Variants in TIMM8B observed in about 807,000 individuals in gnomAD.
TIMM8B encodes translocase of inner mitochondrial membrane 8 homolog B.
In TIMM8B, 5 loss-of-function variants were observed where a neutral mutation model predicts 8.5. The ratio of observed to expected loss-of-function variants is 0.59; its 90% CI spans 0.31 to 1.24. TIMM8B has a LOEUF of 1.24. Among genes scored for constraint, TIMM8B ranks in the 50% most tolerant of loss-of-function variants. The pLI is 0.07. For synonymous variants in TIMM8B, 44 were observed against 39.9 expected (o/e 1.10, Z -0.39); for missense variants, 104 against 109.2 (o/e 0.95, Z 0.21).
chr11:112,086,452 A>G, intron 1 of TIMM8B, 188 bp downstream of exon 1: 1 of 905,282 alleles, frequency 1.1e-6, no homozygotes, highest in Non-Finnish European at 1.7e-6. Flanking sequence ...CGCTACGCTT[A>G]TATACCTGGC....
chr11:112,086,050 T>G lies in TIMM8B; in HGVS notation c.85-588A>C. On this transcript the variant is annotated intron_variant, in intron 1 of 1. Transcript: ENST00000504148. Reference sequence around the variant, plus strand: ...AAGGATAGCTGTCATCACCTCCCATTTAAGAGGCGTGATTATGTAGTCCAA... The same window carrying G: ...AAGGATAGCTGTCATCACCTCCCATGTAAGAGGCGTGATTATGTAGTCCAA... 3.4e-6 allele frequency: 4 copies of G among 1,174,466 alleles called. No homozygotes were observed. The South Asian group carries it at 4.9e-5, about 14-fold the overall frequency. The allele number at this position is 1,174,466 out of a possible 1,614,324, so 72.8% of individuals were successfully genotyped here.
In TIMM8B at chr11:112,085,318, T is replaced by C. The variant is rs1865566411; in HGVS notation, c.229A>G (p.Ile77Val). The C allele has an allele frequency of 6.2e-7, 1 of 1,612,490 alleles. No homozygotes were observed. The highest frequency in any genetic ancestry group is 1.3e-5 in the African/African-American group (1 of 74,966). ...GCCTACTGCCCTCCTTTCTGTACAA[T>C]CTGGGCAAACCGACTGGTGATGGCA... The part of the protein sequence containing the change: ...TLAITSRFAQ[I>V]VQKGGQ Residue 77 changes from isoleucine to valine, a missense_variant, in exon 2 of 2, where the codon ATT becomes GTT. Ile to Val is a conservative substitution (Grantham distance 29). Transcript: ENST00000504148.
At chr11:112,086,582 C>G (rs1272305817) in intron 1 of TIMM8B, 58 bp downstream of exon 1, 68 of 1,503,926 alleles carry the variant, frequency 4.5e-5, no homozygotes, top group Non-Finnish European at 5.6e-5. Context: ...TCCGAGCGTG[C>G]CCAGGACCAC....
chr11:112,086,313 G>A (rs1305155208), intron 1 of TIMM8B: 1 of 536,986 alleles, frequency 1.9e-6, no homozygotes, highest in Non-Finnish European at 3.5e-6. Context: ...CACGTGGCCT[G>A]CAAGGAGCAG....
In TIMM8B at chr11:112,086,624, C is replaced by T; in HGVS notation, c.84+16G>A. ...AGGTGAAACTTCCTTTCCCTTCACC[C>T]TCCCCGTCCCCGCACCTGTGCAGTA... is the stretch of plus-strand genomic sequence containing the variant. On this transcript the variant is annotated intron_variant, in intron 1 of 1. Coordinates refer to ENST00000504148, the MANE Select transcript of TIMM8B (RefSeq NM_012459.4). 33 of 1,579,190 alleles carry T rather than the reference C, an allele frequency of 2.1e-5. No individual in the cohort carries two copies. Among genetic ancestry groups the T allele is most frequent in the Non-Finnish European group, 2.8e-5 (33 of 1,167,990 alleles).
intron 1 of TIMM8B, 78 bp downstream of exon 1, chr11:112,086,562 T>A: frequency 5.4e-6 from 8 of 1,481,022 alleles, no homozygotes; most frequent in Non-Finnish European, 7.2e-6. Flanking sequence ...GAGCCGCCAG[T>A]GTACAGACCT....
At position 112,085,489 on chromosome 11, in the gene TIMM8B, T is replaced by C. The variant is rs117004505; in HGVS notation, c.85-27A>G. The C allele has an allele frequency of 1.4e-3, 2,287 of 1,597,524 alleles. 48 individuals carry two copies. The East Asian group carries it at 0.044, about 31-fold the overall frequency. On this transcript the variant is annotated intron_variant, in intron 1 of 1. Transcript: ENST00000504148. ...TAAAAGGAAAGAAAAATAGTAACCA[T>C]TGGGGTCTGCAGATAGGCCTAACTC...
chr11:112,086,445 T>C, intron 1 of TIMM8B, 195 bp downstream of exon 1: 1 of 877,936 alleles, frequency 1.1e-6, no homozygotes, highest in Non-Finnish European at 1.8e-6. Context: ...TTCTCCACGC[T>C]ACGCTTATAT....
In TIMM8B at chr11:112,085,442, T is replaced by C. The variant is rs756277473; in HGVS notation, c.105A>G (p.Leu35=). 1.4e-5 allele frequency: 23 copies of C among 1,613,808 alleles called. No homozygotes were observed. Among genetic ancestry groups the C allele is most frequent in the Non-Finnish European group, 1.9e-5 (23 of 1,179,868 alleles). ...FTAQVHHFME[L]CWDKCVEKPG... ...GCTTCTCCACACATTTATCCCAACA[T>C]AACTCCATGAAGTGATGCACCTAAA... The change falls in exon 2 of 2, where the codon TTA becomes TTG. Residue 35 remains leucine, a synonymous_variant. Transcript: ENST00000504148.
chr11:112,085,740 C>T (rs1335867925), intron 1 of TIMM8B, among the ~76,000 whole-genome samples: 1 of 151,854 alleles, frequency 6.6e-6, no homozygotes, highest in Non-Finnish European at 1.5e-5. Context: ...ATTAATTTTC[C>T]CAAACTATTG....
Position 112,085,482 on chromosome 11 carries a change from G to C in TIMM8B, c.85-20C>G. 6.2e-7 allele frequency: 1 copy of C among 1,605,776 alleles called. No individual in the cohort carries two copies. The highest frequency in any genetic ancestry group is 8.5e-7 in the Non-Finnish European group (1 of 1,174,986). ...ATGCACCTAAAAGGAAAGAAAAATA[G>C]TAACCATTGGGGTCTGCAGATAGGC... On this transcript the variant is annotated intron_variant, in intron 1 of 1. Coordinates refer to ENST00000504148, the MANE Select transcript of TIMM8B (RefSeq NM_012459.4).
rs754399027 is a variant in TIMM8B at position 112,085,461 on chromosome 11, A to G, written c.86T>C (p.Val29Ala). The change falls in exon 2 of 2, where the codon GTG (valine) becomes GCG (alanine). Residue 29 changes from valine (V) to alanine (A), a missense_variant and splice_region_variant. Transcript: ENST00000504148. ...EQQKAQFTAQ[V>A]HHFMELCWDK... The stretch of plus-strand genomic sequence containing the variant: ...CCAACATAACTCCATGAAGTGATGC[A>G]CCTAAAAGGAAAGAAAAATAGTAAC... 37 of 1,611,060 alleles carry G rather than the reference A, an allele frequency of 2.3e-5. No individual in the cohort carries two copies. The highest frequency in any genetic ancestry group is 3.0e-5 in the Non-Finnish European group (35 of 1,178,246).
intron 1 of TIMM8B, chr11:112,086,007 G>T: frequency 8.9e-7 from 1 of 1,123,190 alleles, no homozygotes; most frequent in Non-Finnish European, 1.1e-6. Flanking sequence ...TAAGAAATCA[G>T]TTCTCTCTAA....
chr11:112,085,812 G>T (rs528671345), intron 1 of TIMM8B, among the ~76,000 whole-genome samples: 1 of 152,200 alleles, frequency 6.6e-6, no homozygotes, highest in South Asian at 2.1e-4. Flanking sequence ...CCTTTTGGGG[G>T]TTATGGATCC....
intron 1 of TIMM8B, chr11:112,086,237 A>G (rs1865594284): frequency 2.0e-6 from 1 of 496,268 alleles, no homozygotes; most frequent in East Asian, 6.7e-5. Context: ...GATCCTCACA[A>G]TCCAGTGAGG....
At chr11:112,086,491 G>C (rs974591279) in intron 1 of TIMM8B, 149 bp downstream of exon 1, 2 of 1,211,036 alleles carry the variant, frequency 1.7e-6, no homozygotes, top group African/African-American at 3.0e-5. Context: ...ACCAGGGACA[G>C]GAGAGCCATA....
chr11:112,085,725 A>G (rs1865582116), intron 1 of TIMM8B, among the ~76,000 whole-genome samples: 1 of 152,130 alleles, frequency 6.6e-6, no homozygotes, highest in Non-Finnish European at 1.5e-5. Flanking sequence ...CCAACTAGGG[A>G]ACCAATTAAT....
chr11:112,085,656 A>G (rs1865580661), intron 1 of TIMM8B, among the ~76,000 whole-genome samples, 194 bp from the exon 2 acceptor site: 2 of 152,190 alleles, frequency 1.3e-5, no homozygotes, highest in African/African-American at 4.8e-5. Flanking sequence ...CAGATTGTAC[A>G]TTCTCAGGTA....
chr11:112,086,751 A>G lies in TIMM8B; in HGVS notation c.-28T>C, dbSNP rs1566689236. 1 of 1,601,530 alleles carries G rather than the reference A, an allele frequency of 6.2e-7. No individual in the cohort carries two copies. The highest frequency in any genetic ancestry group is 1.7e-5 in the Admixed American group (1 of 58,196). On this transcript the variant is annotated 5_prime_UTR_variant, in exon 1 of 2. Transcript: ENST00000504148. ...TTCGCCTCAGGCTCGCCACCTTCCG[A>G]CAGCTGTGTTTGCGCATGCGCGACG...
Sources: gnomAD v4.1 joint callset for allele counts (sites outside exome capture counted in the v4.1 genomes callset) on GRCh38, gnomAD v4.1.1 for gene constraint, MANE v1.5 for transcripts, NCBI Gene and HGNC (gene_info 2026-07-23, HGNC 2026-07-21) for gene names.